Variants in ATCAY observed in about 807,000 individuals in gnomAD.
ATCAY encodes caytaxin.
In ATCAY, 22 loss-of-function variants were observed where a neutral mutation model predicts 47.7. The ratio of observed to expected loss-of-function variants is 0.46; its 90% confidence interval spans 0.33 to 0.66. The LOEUF is 0.66. Among genes scored for constraint, ATCAY ranks in the 30% least tolerant of loss-of-function variants. The probability of loss-of-function intolerance (pLI) is 0.02; values close to 1 mark genes in which losing one functional copy is unlikely to be tolerated. For synonymous variants in ATCAY, 216 were observed against 207.6 expected (o/e 1.04, Z -0.35); for missense variants, 452 against 515.0 (o/e 0.88, Z 1.18).
At chr19:3,921,625 T>C (rs61283267) in intron 12 of ATCAY, among the ~76,000 whole-genome samples, 37,783 of 149,796 alleles carry the variant, frequency 0.25, 5,484 homozygotes, top group South Asian at 0.6. Flanking sequence ...GAGTTGGGTG[T>C]GGTGGCTCAT....
chr19:3,895,430 G>C (rs1472035740), intron 2 of ATCAY, among the ~76,000 whole-genome samples: 1 of 152,076 alleles, frequency 6.6e-6, no homozygotes, highest in Non-Finnish European at 1.5e-5. Context: ...GGCCAGGCTG[G>C]TCTCGAACTC....
In ATCAY at chr19:3,907,704, T is replaced by C. The variant is rs757976187; in HGVS notation, c.359-30T>C. 1.2e-6 allele frequency: 2 copies of C among 1,612,178 alleles called. No homozygotes were observed. The highest frequency in any genetic ancestry group is 2.2e-5 in the East Asian group (1 of 44,872). The stretch of plus-strand genomic sequence containing the variant: ...GGCAGGAGATATCCGGACTCTGGCG[T>C]CCATGCGACTCTCCGCCACCTGCTT... On this transcript the variant is annotated intron_variant, in intron 4 of 12. Coordinates refer to ENST00000450849, the MANE Select transcript of ATCAY (RefSeq NM_033064.5). The surrounding 1 kb of genome is among the most constrained non-coding windows in gnomAD (Gnocchi z 5.1).
intron 2 of ATCAY, among the ~76,000 whole-genome samples, chr19:3,902,268 G>T (rs2038822056): frequency 6.6e-6 from 1 of 151,860 alleles, no homozygotes; most frequent in Admixed American, 6.6e-5. Flanking sequence ...GCTGCAGTGA[G>T]CCATGATCAC....
intron 3 of ATCAY, 149 bp from the exon 4 acceptor site, chr19:3,905,285 C>A: frequency 1.3e-6 from 1 of 748,040 alleles, no homozygotes; most frequent in Non-Finnish European, 2.1e-6. Context: ...TTAATTCTGC[C>A]CACCCCCGCC....
Position 3,908,010 on chromosome 19 carries a change from G to T in ATCAY, c.544+91G>T, listed in dbSNP as rs924330449. Reference sequence around the variant, plus strand: ...TCAGTGCCCCTCTCTGATGCACGGGGATGTTAAGCCGTCAACTCGCTTCGG... The same window carrying T: ...TCAGTGCCCCTCTCTGATGCACGGGTATGTTAAGCCGTCAACTCGCTTCGG... On this transcript the variant is annotated intron_variant, in intron 5 of 12. Transcript: ENST00000450849. 20 of 1,470,112 alleles carry T rather than the reference G, an allele frequency of 1.4e-5. No individual in the cohort carries two copies. In the Admixed American group the frequency reaches 3.6e-4, roughly 26 times the overall value. 91.1% of individuals were successfully genotyped at this position (1,470,112 alleles called of 1,614,324 possible).
chr19:3,902,410 G>A, intron 2 of ATCAY, 77 bp from the exon 3 acceptor site: 5 of 1,404,370 alleles, frequency 3.6e-6, no homozygotes, highest in Non-Finnish European at 3.9e-6. Context: ...GGCTGGACCT[G>A]TCTGGGCCAC....
intron 1 of ATCAY, among the ~76,000 whole-genome samples, chr19:3,885,027 C>T (rs1245018251): frequency 6.7e-6 from 1 of 148,968 alleles, no homozygotes; most frequent in Non-Finnish European, 1.5e-5. Context: ...TGCTTAAGCC[C>T]AGGAGTTCAA....
intron 2 of ATCAY, among the ~76,000 whole-genome samples, chr19:3,901,763 G>A (rs533881473): frequency 1.2e-4 from 19 of 152,278 alleles, no homozygotes; most frequent in African/African-American, 3.4e-4. Flanking sequence ...TTGAGAGGCC[G>A]AGGTGGGCAG....
chr19:3,905,680 C>A (rs753812890), intron 4 of ATCAY, 25 bp downstream of exon 4: 1 of 1,588,452 alleles, frequency 6.3e-7, no homozygotes, highest in Admixed American at 1.7e-5. Flanking sequence ...CTCTCTGGGG[C>A]CTGCTGGAGC....
intron 4 of ATCAY, among the ~76,000 whole-genome samples, chr19:3,906,768 C>T (rs902771866): frequency 1.1e-4 from 16 of 152,026 alleles, no homozygotes; most frequent in East Asian, 9.6e-4. Context: ...CTGATTCAGG[C>T]GTGGGGTATA....
At chr19:3,904,430 A>AAG (rs1168943118) in intron 3 of ATCAY, among the ~76,000 whole-genome samples, 1 of 152,238 alleles carries the variant, frequency 6.6e-6, no homozygotes, top group African/African-American at 2.4e-5. Context: ...TGAAGGTTTT[A>AAG]AGAGAAACAG....
chr19:3,921,765 C>T (rs2039021816), intron 12 of ATCAY, among the ~76,000 whole-genome samples: 1 of 152,018 alleles, frequency 6.6e-6, no homozygotes, highest in African/African-American at 2.4e-5. Context: ...GGTGTGGTGG[C>T]ACACACCTGT....
At chr19:3,909,690 C>T in intron 7 of ATCAY, 73 bp downstream of exon 7, 1 of 1,533,330 alleles carries the variant, frequency 6.5e-7, no homozygotes, top group Non-Finnish European at 8.8e-7. Context: ...TGGTGGCTCA[C>T]ACCTGGAATC....
chr19:3,902,507 G>A lies in ATCAY; in HGVS notation c.98G>A (p.Gly33Glu), dbSNP rs147031440. 4.9e-4 allele frequency: 770 copies of A among 1,580,426 alleles called. 2 individuals carry two copies. In the African/African-American group the frequency reaches 9.6e-3, roughly 20 times the overall value. The change falls in exon 3 of 13, where the codon GGG becomes GAG. Residue 33 changes from glycine to glutamate, a missense_variant. By Grantham distance (98) the Gly-to-Glu change is moderately conservative. Coordinates refer to ENST00000450849, the MANE Select transcript of ATCAY (RefSeq NM_033064.5). Reference sequence around the variant, plus strand: ...CGCAGGCCACTCCCAGAAGAGACGGGGGTGGAACTGCTTGGCAGCCCGGTG... The same window carrying A: ...CGCAGGCCACTCCCAGAAGAGACGGAGGTGGAACTGCTTGGCAGCCCGGTG... ...DLPRPLPEET[G>E]VELLGSPVED...
intron 2 of ATCAY, among the ~76,000 whole-genome samples, chr19:3,891,378 C>G (rs2038718065): frequency 6.6e-6 from 1 of 151,954 alleles, no homozygotes; most frequent in Non-Finnish European, 1.5e-5. Context: ...TTCACTCTCA[C>G]CCTTCTGCAG....
At chr19:3,918,256 G>C (rs12981252) in intron 10 of ATCAY, among the ~76,000 whole-genome samples, 1 of 151,882 alleles carries the variant, frequency 6.6e-6, no homozygotes, top group Non-Finnish European at 1.5e-5. Flanking sequence ...GTGGTGGTGC[G>C]TGCCTGTAAT....
rs984894726 is a variant in ATCAY, at chr19:3,925,507, G to A, written c.*915G>A. Reference sequence around the variant, plus strand: ...AAGAGGAAGATACAGGGTATCGGGCGTTTGAGTGTTTCAGAAGTCATTCGG... The same window carrying A: ...AAGAGGAAGATACAGGGTATCGGGCATTTGAGTGTTTCAGAAGTCATTCGG... On this transcript the variant is annotated 3_prime_UTR_variant, in exon 13 of 13. Transcript: ENST00000450849. The surrounding 1 kb of genome is among the most constrained non-coding windows in gnomAD (Gnocchi z 4.4). 7 of 152,366 alleles carry A rather than the reference G, an allele frequency of 4.6e-5. No homozygotes were observed. Among genetic ancestry groups the A allele is most frequent in the South Asian group, 2.1e-4 (1 of 4,828 alleles). 9.4% of individuals were successfully genotyped at this position (152,366 alleles called of 1,614,324 possible).
rs1368712739 is a variant in ATCAY, at chr19:3,925,569, A to G, written c.*977A>G. On this transcript the variant is annotated 3_prime_UTR_variant, in exon 13 of 13. Coordinates refer to ENST00000450849, the MANE Select transcript of ATCAY (RefSeq NM_033064.5). The surrounding 1 kb of genome is among the most constrained non-coding windows in gnomAD (Gnocchi z 4.4). ...CAGTGCGCTGGCCGCAGCCACCTGC[A>G]TTCAAAGCTTGGACCAGCGGGTTCT... 6.6e-6 allele frequency: 1 copy of G among 152,268 alleles called. No individual in the cohort carries two copies. The highest frequency in any genetic ancestry group is 1.5e-5 in the Non-Finnish European group (1 of 68,060). 9.4% of individuals were successfully genotyped at this position (152,268 alleles called of 1,614,324 possible). A position where few individuals can be genotyped will look rare whatever the true frequency, so the allele number is the denominator to read the frequency against.
At chr19:3,923,103 G>A (rs1437765194) in intron 12 of ATCAY, among the ~76,000 whole-genome samples, 2 of 152,156 alleles carry the variant, frequency 1.3e-5, no homozygotes, top group Admixed American at 6.6e-5. Context: ...TACTACCCAT[G>A]TGACCCAGGA....
Sources: gnomAD v4.1 joint callset for allele counts (sites outside exome capture counted in the v4.1 genomes callset) on GRCh38, gnomAD v4.1.1 for gene constraint, Gnocchi (gnomAD v3.1) non-coding constraint, MANE v1.5 for transcripts, NCBI Gene and HGNC (gene_info 2026-07-23, HGNC 2026-07-21) for gene names.